The following PCDHGA7 variants were observed in gnomAD, a reference collection of about 807,000 sequenced individuals.
PCDHGA7 encodes the protein protocadherin gamma-A7.
In PCDHGA7, 44 loss-of-function variants were observed where a neutral mutation model predicts 58.3. The ratio of observed to expected loss-of-function variants is 0.75; its 90% CI spans 0.59 to 0.97. The LOEUF (loss-of-function observed/expected upper bound fraction) is 0.97. Ranked by LOEUF, PCDHGA7 falls within the 50% of genes least tolerant of loss-of-function variation. The pLI, the probability that PCDHGA7 is intolerant of heterozygous loss-of-function variation, is 0.00. For synonymous variants in PCDHGA7, 516 were observed against 504.2 expected, an observed-to-expected ratio of 1.02 and a Z score of -0.31; for missense variants, 1,266 against 1,188.7, an observed-to-expected ratio of 1.06 and a Z score of -0.96.
chr5:141,399,719 G>C (rs773556952), intron 1 of PCDHGA7: 1 of 1,613,286 alleles, frequency 6.2e-7, no homozygotes, highest in Non-Finnish European at 8.5e-7. Context: ...CTACAGGCCC[G>C]CGACCAGGGC....
chr5:141,415,419 C>A, intron 1 of PCDHGA7: 1 of 1,614,196 alleles, frequency 6.2e-7, no homozygotes, highest in East Asian at 2.2e-5. Context: ...TGGGCGTGGA[C>A]GGGGTTCGGG....
chr5:141,455,149 TTA>T (rs537241375), intron 1 of PCDHGA7, among the ~76,000 whole-genome samples: 1 of 148,248 alleles, frequency 6.7e-6, no homozygotes, highest in Non-Finnish European at 1.5e-5. Context: ...TAAATAAATA[TTA>T]GTTTGTTGGT....
intron 1 of PCDHGA7, among the ~76,000 whole-genome samples, chr5:141,488,238 C>T (rs374846692): frequency 5.3e-5 from 8 of 152,036 alleles, no homozygotes; most frequent in Non-Finnish European, 1.0e-4. Flanking sequence ...GAACTAGATG[C>T]GGTAAATTGG....
intron 1 of PCDHGA7, among the ~76,000 whole-genome samples, chr5:141,434,703 G>C (rs1198306104): frequency 6.6e-6 from 1 of 151,730 alleles, no homozygotes; most frequent in Non-Finnish European, 1.5e-5. Context: ...TAAATATGTG[G>C]GTAAATCTCT....
chr5:141,400,656 A>G (rs72790034), intron 1 of PCDHGA7: 33,230 of 1,084,006 alleles, frequency 0.031, 658 homozygotes, highest in East Asian at 0.041. Context: ...CTGTCCTACC[A>G]TTCTTTAAGA....
intron 1 of PCDHGA7, among the ~76,000 whole-genome samples, chr5:141,460,997 G>A (rs1322943324): frequency 3.4e-5 from 5 of 147,290 alleles, no homozygotes; most frequent in Admixed American, 1.4e-4. Flanking sequence ...ATATATATAT[G>A]TGTATATATA....
intron 1 of PCDHGA7, among the ~76,000 whole-genome samples, chr5:141,451,365 G>C (rs557753113): frequency 2.0e-5 from 3 of 152,116 alleles, no homozygotes; most frequent in Non-Finnish European, 4.4e-5. Context: ...GGATGGATCC[G>C]CTTCTAATCT....
chr5:141,460,470 A>T (rs2098990057), intron 1 of PCDHGA7, among the ~76,000 whole-genome samples: 1 of 152,110 alleles, frequency 6.6e-6, no homozygotes, highest in South Asian at 2.1e-4. Flanking sequence ...TTTCCAAAGG[A>T]ATATCCAATT....
Position 141,423,504 on chromosome 5 carries a change from T to G in PCDHGA7, c.2424+38181T>G, listed in dbSNP as rs1448233226. ...TGCAAACCTATTCCCACGAGGTCTCTCTCATTGCGGACTCGCAGAAGAGTC... is the reference window on the plus strand; with the variant it reads ...TGCAAACCTATTCCCACGAGGTCTCGCTCATTGCGGACTCGCAGAAGAGTC... On this transcript the variant is annotated intron_variant, in intron 1 of 3. Transcript: ENST00000518325. The G allele has an allele frequency of 3.1e-6, 5 of 1,613,770 alleles. No individual in the cohort carries two copies. The Admixed American group carries it at 8.3e-5, about 27-fold the overall frequency.
In PCDHGA7 at chr5:141,430,200, T is replaced by G. The variant is rs182960813; in HGVS notation, c.2424+44877T>G. Among the ~76,000 whole-genome samples the G allele has an allele frequency of 8.2e-4, 124 of 152,052 alleles. 2 individuals are homozygous for G. Among genetic ancestry groups the G allele is most frequent in the African/African-American group, 2.9e-3 (119 of 41,468 alleles). ...CCCAAATTATAGCTGAATCAGAAAG[T>G]TTAAATTATTATATTATATGATTTG... On this transcript the variant is annotated intron_variant, in intron 1 of 3. Transcript: ENST00000518325.
chr5:141,427,683 G>T, intron 1 of PCDHGA7: 1 of 836,052 alleles, frequency 1.2e-6, no homozygotes, highest in African/African-American at 1.7e-5. Context: ...CCTTCCCGGA[G>T]CCTCCATCCC....
intron 2 of PCDHGA7, among the ~76,000 whole-genome samples, chr5:141,501,420 T>C (rs1429838126): frequency 6.6e-6 from 1 of 152,006 alleles, no homozygotes; most frequent in Non-Finnish European, 1.5e-5. Context: ...AATAGTTGAC[T>C]AAATGTAGTC....
Position 141,491,944 on chromosome 5 carries a change from C to A in PCDHGA7, c.2425-2863C>A. On this transcript the variant is annotated intron_variant, in intron 1 of 3. Transcript: ENST00000518325. This position sits in a 1 kb window ranked among gnomAD's most constrained non-coding sequence, Gnocchi z 6.9. ...CGAGGGGAGGTGGGACCGACCCCCA[C>A]CCCTACACTCAAAAAAGGCCGGGGC... 2 of 1,120,270 alleles carry A rather than the reference C, an allele frequency of 1.8e-6. No individual in the cohort carries two copies. Among genetic ancestry groups the A allele is most frequent in the Non-Finnish European group, 2.4e-6 (2 of 822,060 alleles). The allele number at this position is 1,120,270 out of a possible 1,614,324, so 69.4% of individuals were successfully genotyped here.
At position 141,408,680 on chromosome 5, in the gene PCDHGA7, C is replaced by G. The variant is rs774572788; in HGVS notation, c.2424+23357C>G. 1.5e-4 allele frequency: 245 copies of G among 1,613,812 alleles called. No homozygotes were observed. Among genetic ancestry groups the G allele is most frequent in the Non-Finnish European group, 1.9e-4 (222 of 1,179,872 alleles). On this transcript the variant is annotated intron_variant, in intron 1 of 3. Coordinates refer to ENST00000518325, the MANE Select transcript of PCDHGA7 (RefSeq NM_018920.4). ...ACTATCGCTTGACCCTGCCACGGAT[C>G]CTGATATAAACATAAACTCAATTAA...
chr5:141,413,570 A>G, intron 1 of PCDHGA7: 1 of 1,613,930 alleles, frequency 6.2e-7, no homozygotes, highest in Non-Finnish European at 8.5e-7. Context: ...GATATCAATG[A>G]CAATGCTCCA....
intron 2 of PCDHGA7, among the ~76,000 whole-genome samples, chr5:141,496,748 C>T (rs1382244657): frequency 6.6e-6 from 1 of 152,130 alleles, no homozygotes; most frequent in African/African-American, 2.4e-5. Flanking sequence ...ATTTATTCAA[C>T]AAATATTTAT....
At chr5:141,389,142 G>A (rs72790030) in intron 1 of PCDHGA7, 42,481 of 1,613,950 alleles carry the variant, frequency 0.026, 745 homozygotes, top group East Asian at 0.04. Flanking sequence ...CAATATAACC[G>A]TTACGGCAAC....
At chr5:141,421,520 A>G (rs749034718) in intron 1 of PCDHGA7, 2 of 1,614,068 alleles carry the variant, frequency 1.2e-6, no homozygotes, top group Non-Finnish European at 8.5e-7. Flanking sequence ...GAGCTCTGTG[A>G]GACGGTGTCC....
chr5:141,482,103 A>C (rs34394498), intron 1 of PCDHGA7, among the ~76,000 whole-genome samples: 2 of 142,250 alleles, frequency 1.4e-5, no homozygotes, highest in Non-Finnish European at 3.0e-5. Flanking sequence ...AAAAAAAAAA[A>C]AATATCTAGA....
Sources: gnomAD v4.1 joint callset for allele counts (sites outside exome capture counted in the v4.1 genomes callset) on GRCh38, gnomAD v4.1.1 for gene constraint, Gnocchi (gnomAD v3.1) non-coding constraint, MANE v1.5 for transcripts, NCBI Gene and HGNC (gene_info 2026-07-23, HGNC 2026-07-21) for gene names.